The following HERC1 variants were observed in gnomAD, a reference collection of about 807,000 sequenced individuals.
HERC1 encodes the protein probable E3 ubiquitin-protein ligase HERC1.
HERC1 carries 160 observed loss-of-function variants against 554.3 expected under a neutral mutation model. That is an observed-to-expected ratio of 0.29 (90% CI 0.25 to 0.33). The LOEUF (loss-of-function observed/expected upper bound fraction) is 0.33. Ranked by LOEUF, HERC1 falls within the 10% of genes least tolerant of loss-of-function variation. HERC1 has a pLI of 1.00. For missense variants in HERC1, 4,919 were observed against 5,918.5 expected, an observed-to-expected ratio of 0.83 and a Z score of 5.54; for synonymous variants, 2,175 against 2,131.7, an observed-to-expected ratio of 1.02 and a Z score of -0.56.
intron 74 of HERC1, among the ~76,000 whole-genome samples, chr15:63,620,497 A>G (rs1471066828): frequency 1.3e-5 from 2 of 152,130 alleles, no homozygotes; most frequent in Admixed American, 6.5e-5. Context: ...AGTTCTGTAG[A>G]TATCTATTAG....
At chr15:63,643,351 TTAAG>T in intron 58 of HERC1, 49 bp downstream of exon 58, 1 of 1,488,070 alleles carries the variant, frequency 6.7e-7, no homozygotes, top group Non-Finnish European at 9.2e-7. Context: ...TCACATGTGT[TTAAG>T]TTAGTGTCAA....
intron 66 of HERC1, among the ~76,000 whole-genome samples, chr15:63,634,503 G>A (rs1025204108): frequency 8.5e-5 from 13 of 152,098 alleles, no homozygotes; most frequent in African/African-American, 2.4e-4. Flanking sequence ...AAATATTCAC[G>A]TCCTGAAATA....
intron 12 of HERC1, among the ~76,000 whole-genome samples, chr15:63,737,266 G>C (rs1175251942): frequency 6.7e-6 from 1 of 149,488 alleles, no homozygotes; most frequent in Non-Finnish European, 1.5e-5. Context: ...GGCTCAGGAG[G>C]TCAAGTATCC....
At chr15:63,822,303 T>C (rs949151738) in intron 1 of HERC1, among the ~76,000 whole-genome samples, 2 of 152,182 alleles carry the variant, frequency 1.3e-5, no homozygotes, top group Non-Finnish European at 1.5e-5. Flanking sequence ...TACTTTAAAA[T>C]AGCCAGGTGC....
intron 1 of HERC1, among the ~76,000 whole-genome samples, chr15:63,822,914 T>C (rs1263756722): frequency 6.6e-6 from 1 of 152,234 alleles, no homozygotes; most frequent in Non-Finnish European, 1.5e-5. Flanking sequence ...CTTAGGATTC[T>C]AGCCTGAGCA....
intron 24 of HERC1, among the ~76,000 whole-genome samples, chr15:63,708,702 A>G (rs2073141196): frequency 6.6e-6 from 1 of 152,248 alleles, no homozygotes; most frequent in African/African-American, 2.4e-5. Flanking sequence ...CTAACATTTT[A>G]AAAAGCATTT....
chr15:63,630,463 T>C lies in HERC1; in HGVS notation c.12966+3A>G, dbSNP rs761270211. On this transcript the variant is annotated splice_donor_region_variant and intron_variant, in intron 69 of 77. Coordinates refer to ENST00000443617, the MANE Select transcript of HERC1 (RefSeq NM_003922.4). The stretch of plus-strand genomic sequence containing the variant: ...GAAAGCAGCAAGCAATATAAATATT[T>C]ACCTGCCCTTCTGAATTGCTCCCCC... 3.7e-6 allele frequency: 6 copies of C among 1,609,636 alleles called. No homozygotes were observed. The South Asian group carries it at 6.7e-5, about 18-fold the overall frequency.
At chr15:63,645,437 T>C (rs1439850797) in intron 56 of HERC1, 46 bp downstream of exon 56, 2 of 1,416,102 alleles carry the variant, frequency 1.4e-6, no homozygotes, top group African/African-American at 1.4e-5. Flanking sequence ...TAACAGTCTA[T>C]ACCAATATAA....
chr15:63,829,561 G>GTGTGTGTGTGTGTATATATATA (rs1220043639), intron 1 of HERC1, among the ~76,000 whole-genome samples: 1 of 81,762 alleles, frequency 1.2e-5, no homozygotes, highest in Admixed American at 1.4e-4. Context: ...GTGTGTGTGT[G>GTGTGTGTGTGTGTATATATATA]TATATATATA....
chr15:63,725,297 T>C lies in HERC1; in HGVS notation c.3563A>G (p.Gln1188Arg). The C allele has an allele frequency of 1.2e-6, 2 of 1,613,318 alleles. No individual in the cohort carries two copies. Among genetic ancestry groups the C allele is most frequent in the Non-Finnish European group, 1.7e-6 (2 of 1,179,406 alleles). The change falls in exon 18 of 78, where the codon CAA becomes CGA. Residue 1188 changes from glutamine to arginine, a missense_variant. Transcript: ENST00000443617. ...FSDGVEMDTP[Q>R]LDKCMSCLLE... The stretch of plus-strand genomic sequence containing the variant: ...GCTGCAGAGAAGCACATTACCCAAT[T>C]GAGGAGTGTCCATTTCTACACCGTC...
chr15:63,762,444 C>G (rs1185906186), intron 3 of HERC1, among the ~76,000 whole-genome samples: 1 of 152,138 alleles, frequency 6.6e-6, no homozygotes, highest in South Asian at 2.1e-4. Context: ...CTGCCTCAGC[C>G]TCCTGAGTAG....
chr15:63,676,908 A>G (rs2071240398), intron 37 of HERC1, among the ~76,000 whole-genome samples: 2 of 152,264 alleles, frequency 1.3e-5, no homozygotes, highest in South Asian at 4.1e-4. Flanking sequence ...ACAATTATGT[A>G]GAGTCATTAG....
chr15:63,612,105 T>C lies in HERC1; in HGVS notation c.14400+146A>G. On this transcript the variant is annotated intron_variant, in intron 77 of 77. Transcript: ENST00000443617. This position sits in a 1 kb window ranked among gnomAD's most constrained non-coding sequence, Gnocchi z 5.0. ...GCGGAGGCTGAGGCAGGAGAACTGC[T>C]TGAAGCTAGGAAGCGGAGGTTGCAG... 1.4e-6 allele frequency: 1 copy of C among 701,492 alleles called. No homozygotes were observed. Among genetic ancestry groups the C allele is most frequent in the Non-Finnish European group, 2.3e-6 (1 of 430,312 alleles). 43.5% of individuals were successfully genotyped at this position (701,492 alleles called of 1,614,324 possible).
chr15:63,669,647 T>C lies in HERC1; in HGVS notation c.8097A>G (p.Ala2699=). 1.2e-6 allele frequency: 2 copies of C among 1,613,962 alleles called. No homozygotes were observed. The highest frequency in any genetic ancestry group is 1.7e-6 in the Non-Finnish European group (2 of 1,179,832). ...GTAACGAAGATATTGGAGGAGTCTG[T>C]GCCCGACGTGTGGGAAGTACAGTGG... ...PTTTVLPTRR[A]QTPPISSLPT... Residue 2699 remains alanine, a synonymous_variant, in exon 40 of 78, where the codon GCA becomes GCG. Transcript: ENST00000443617.
rs1184722422 is a variant in HERC1 at position 63,785,688 on chromosome 15, G to A, written c.-26-10039C>T. On this transcript the variant is annotated intron_variant, in intron 1 of 77. Coordinates refer to ENST00000443617, the MANE Select transcript of HERC1 (RefSeq NM_003922.4). ...GCAGGATGAGGTGGGATGATCCCTT[G>A]CGCTCAGGAGGTCAAGGCTGCAGTG... Among the ~76,000 whole-genome samples the A allele has an allele frequency of 2.3e-5, 3 of 131,288 alleles. No individual in the cohort carries two copies. The East Asian group carries it at 5.8e-4, about 25-fold the overall frequency. The allele number at this position is 131,288 out of a possible 152,430, so 86.1% of individuals were successfully genotyped here.
chr15:63,707,765 C>T (rs1358432294), intron 24 of HERC1, among the ~76,000 whole-genome samples: 1 of 151,714 alleles, frequency 6.6e-6, no homozygotes, highest in Admixed American at 6.6e-5. Flanking sequence ...CCCATCTCCA[C>T]TAAAAATACA....
intron 43 of HERC1, among the ~76,000 whole-genome samples, chr15:63,663,471 T>G (rs1249442328): frequency 2.0e-5 from 3 of 152,230 alleles, no homozygotes; most frequent in Non-Finnish European, 4.4e-5. Context: ...GTTGCTGTTT[T>G]TAGAGACAGG....
Position 63,674,382 on chromosome 15 carries a change from A to T in HERC1, c.7806T>A (p.His2602Gln), listed in dbSNP as rs189782928. The T allele has an allele frequency of 6.2e-7, 1 of 1,613,104 alleles. No individual in the cohort carries two copies. The highest frequency in any genetic ancestry group is 1.3e-5 in the African/African-American group (1 of 74,852). ...AQAMIYKLVV[H>Q]GLLEDQFGGK... The stretch of plus-strand genomic sequence containing the variant: ...CCCCAAACTGGTCTTCCAAAAGCCC[A>T]TGAACCACTAATTTATAGATCATGG... The change falls in exon 38 of 78, where the codon CAT becomes CAA. Residue 2602 changes from histidine to glutamine, a missense_variant. Physicochemically the swap from His to Gln is conservative, Grantham distance 24. Transcript: ENST00000443617.
At chr15:63,787,784 CAA>C (rs1325943420) in intron 1 of HERC1, among the ~76,000 whole-genome samples, 3 of 151,552 alleles carry the variant, frequency 2.0e-5, no homozygotes, top group Admixed American at 2.0e-4. Flanking sequence ...GACAATATGG[CAA>C]AACCCCGACT....
Sources: allele counts gnomAD v4.1 joint callset (sites outside exome capture counted in the v4.1 genomes callset), GRCh38; gene constraint gnomAD v4.1.1; non-coding constraint Gnocchi (gnomAD v3.1); transcripts MANE v1.5; gene names NCBI Gene and HGNC (gene_info 2026-07-23, HGNC 2026-07-21).